Variants in INVS observed in about 807,000 individuals in gnomAD.
The protein encoded by INVS is inversin.
A neutral mutation model predicts 108.8 loss-of-function variants in INVS; 86 were observed. The ratio of observed to expected loss-of-function variants is 0.79; its 90% confidence interval spans 0.66 to 0.95. INVS has a LOEUF of 0.95. Among genes scored for constraint, INVS ranks in the 40% least tolerant of loss-of-function variants. INVS has a pLI of 0.00. For synonymous variants in INVS, 455 were observed against 473.5 expected (o/e 0.96, Z 0.51); for missense variants, 1,169 against 1,297.4 (o/e 0.90, Z 1.52).
rs142802571 is a variant in INVS, at chr9:100,223,716, G to C, written c.274-2346G>C. Among the ~76,000 whole-genome samples the C allele has an allele frequency of 1.2e-3, 182 of 152,358 alleles. 2 individuals carry two copies. The highest frequency in any genetic ancestry group is 4.3e-3 in the African/African-American group (179 of 41,584). On this transcript the variant is annotated intron_variant, in intron 3 of 16. Coordinates refer to ENST00000262457, the MANE Select transcript of INVS (RefSeq NM_014425.5). The stretch of plus-strand genomic sequence containing the variant: ...TCATCAAGGGAAACCTCTCTGAGAG[G>C]AAATATCCAGCAGAGTCCGTTGGCT...
At chr9:100,124,177 AGT>A (rs3052021) in intron 2 of INVS, among the ~76,000 whole-genome samples, 36,454 of 144,006 alleles carry the variant, frequency 0.25, 4,970 homozygotes, top group East Asian at 0.59. Context: ...TTTGTTTCTG[AGT>A]GTGTGTGTGT....
chr9:100,261,693 A>C (rs1157026836), intron 10 of INVS, among the ~76,000 whole-genome samples: 1 of 152,254 alleles, frequency 6.6e-6, no homozygotes, highest in Non-Finnish European at 1.5e-5. Flanking sequence ...TGGATTGTCT[A>C]CATAAGCAAT....
chr9:100,253,415 CT>C lies in INVS; in HGVS notation c.1464+290del, dbSNP rs58891678. Reference sequence around the variant, plus strand: ...TCTATAAACATAAATATATGATTTTCTTTTTTTTTTTAATTATACTTTAAGT... The same window carrying C: ...TCTATAAACATAAATATATGATTTTCTTTTTTTTTTAATTATACTTTAAGT... On this transcript the variant is annotated intron_variant, in intron 10 of 16. Transcript: ENST00000262457. 0.5 allele frequency among the ~76,000 whole-genome samples: 74,078 copies of C among 148,796 alleles called. 18,922 individuals carry two copies. Among genetic ancestry groups the C allele is most frequent in the Non-Finnish European group, 0.56 (37,675 of 67,148 alleles).
intron 8 of INVS, 61 bp downstream of exon 8, chr9:100,246,848 T>A: frequency 6.9e-7 from 1 of 1,456,214 alleles, no homozygotes; most frequent in Non-Finnish European, 9.6e-7. Flanking sequence ...TAGATGTTGC[T>A]ATAAAATTTG....
At chr9:100,179,669 C>G (rs191907272) in intron 3 of INVS, among the ~76,000 whole-genome samples, 1 of 152,130 alleles carries the variant, frequency 6.6e-6, no homozygotes, top group East Asian at 1.9e-4. Flanking sequence ...TACAAAGAGA[C>G]TTAGGCTCCC....
At chr9:100,210,088 C>A (rs1260628301) in intron 3 of INVS, among the ~76,000 whole-genome samples, 1 of 152,104 alleles carries the variant, frequency 6.6e-6, no homozygotes, top group Admixed American at 6.6e-5. Flanking sequence ...TTCTACTGAC[C>A]CCTCAAGGCT....
intron 3 of INVS, among the ~76,000 whole-genome samples, chr9:100,153,772 A>G (rs889474117): frequency 2.6e-5 from 4 of 152,240 alleles, no homozygotes; most frequent in African/African-American, 9.6e-5. Flanking sequence ...GCAGAAGGAC[A>G]AAAGAGGGCA....
chr9:100,108,332 T>A (rs1827240596), intron 2 of INVS, among the ~76,000 whole-genome samples: 1 of 152,208 alleles, frequency 6.6e-6, no homozygotes, highest in Admixed American at 6.5e-5. Flanking sequence ...TCTATCATCT[T>A]GTCTGAGGAA....
intron 3 of INVS, among the ~76,000 whole-genome samples, chr9:100,133,617 C>G (rs1828119716): frequency 6.6e-6 from 1 of 151,972 alleles, no homozygotes; most frequent in African/African-American, 2.4e-5. Context: ...ACTACATGAC[C>G]AGTGGAATGT....
chr9:100,115,985 A>T (rs1827508151), intron 2 of INVS, among the ~76,000 whole-genome samples: 2 of 152,236 alleles, frequency 1.3e-5, no homozygotes, highest in South Asian at 4.2e-4. Context: ...AATGATCGCC[A>T]TTCTAACTGG....
chr9:100,100,195 GATTT>G (rs1466510911), intron 1 of INVS, among the ~76,000 whole-genome samples: 2 of 151,716 alleles, frequency 1.3e-5, no homozygotes, highest in East Asian at 3.9e-4. Context: ...TATAAAAAAT[GATTT>G]ATTTTCTTAA....
chr9:100,157,449 G>A (rs1312511468), intron 3 of INVS, among the ~76,000 whole-genome samples: 1 of 151,620 alleles, frequency 6.6e-6, no homozygotes, highest in South Asian at 2.1e-4. Flanking sequence ...TGTATTTTTA[G>A]TAGAGACGGG....
At chr9:100,291,642 A>G (rs1426175352) in intron 13 of INVS, among the ~76,000 whole-genome samples, 3 of 152,212 alleles carry the variant, frequency 2.0e-5, no homozygotes, top group Admixed American at 6.5e-5. Flanking sequence ...GGATATCTCC[A>G]TCCTAAGACC....
chr9:100,299,021 A>G (rs1361501527), intron 16 of INVS, among the ~76,000 whole-genome samples: 1 of 152,244 alleles, frequency 6.6e-6, no homozygotes, highest in African/African-American at 2.4e-5. Context: ...ATCATTTTTC[A>G]GTCTTAAGAG....
intron 3 of INVS, among the ~76,000 whole-genome samples, chr9:100,198,973 G>A (rs1273145794): frequency 2.0e-5 from 3 of 152,122 alleles, no homozygotes; most frequent in African/African-American, 4.8e-5. Flanking sequence ...GTCCACATTC[G>A]CAGAGACGTC....
intron 3 of INVS, among the ~76,000 whole-genome samples, chr9:100,195,415 C>T (rs1305665051): frequency 6.6e-6 from 1 of 152,156 alleles, no homozygotes; most frequent in Non-Finnish European, 1.5e-5. Context: ...CTCCTAGGCT[C>T]AAGCAATACT....
intron 12 of INVS, among the ~76,000 whole-genome samples, chr9:100,278,557 A>ACCTTAG (rs1359951459): frequency 3.3e-5 from 5 of 152,162 alleles, no homozygotes; most frequent in Non-Finnish European, 7.3e-5. Context: ...CATCTCTAGT[A>ACCTTAG]CCTTAGAATG....
chr9:100,251,837 G>A (rs1447497620), intron 8 of INVS, among the ~76,000 whole-genome samples: 1 of 152,210 alleles, frequency 6.6e-6, no homozygotes, highest in South Asian at 2.1e-4. Flanking sequence ...ACCAATGGAA[G>A]GAACAGTAGA....
At position 100,278,231 on chromosome 9, in the gene INVS, C is replaced by CAAAA. The variant is rs750217205; in HGVS notation, c.1784+5176_1784+5179dup. On this transcript the variant is annotated intron_variant, in intron 12 of 16. Coordinates refer to ENST00000262457, the MANE Select transcript of INVS (RefSeq NM_014425.5). ...GAAGACAGAGAGAGAGACCCTGTCT[C>CAAAA]AAAAAAAAAAAAAAAAAAAAAAAAT... 2.8e-3 allele frequency among the ~76,000 whole-genome samples: 228 copies of CAAAA among 82,898 alleles called. 3 individuals carry two copies. Among genetic ancestry groups the CAAAA allele is most frequent in the East Asian group, 7.7e-3 (21 of 2,734 alleles). 54.4% of individuals were successfully genotyped at this position (82,898 alleles called of 152,430 possible).
Sources: gnomAD v4.1 joint callset for allele counts (sites outside exome capture counted in the v4.1 genomes callset) on GRCh38, gnomAD v4.1.1 for gene constraint, MANE v1.5 for transcripts, NCBI Gene and HGNC (gene_info 2026-07-23, HGNC 2026-07-21) for gene names.